TNIK: variants seen among roughly 807,000 people sequenced by gnomAD.
TNIK encodes the protein TRAF2 and NCK interacting kinase, also known as TRAF2 and NCK-interacting protein kinase.
A neutral mutation model predicts 191.3 loss-of-function variants in TNIK; 49 were observed. The ratio of observed to expected loss-of-function variants is 0.26; its 90% CI spans 0.20 to 0.32. TNIK has a LOEUF of 0.32. Ranked by LOEUF, TNIK falls within the 10% of genes least tolerant of loss-of-function variation. The pLI is 1.00. For synonymous variants in TNIK, 594 were observed against 600.9 expected, an observed-to-expected ratio of 0.99 and a Z score of 0.17; for missense variants, 1,155 against 1,702.3, an observed-to-expected ratio of 0.68 and a Z score of 5.66.
At chr3:171,232,811 A>G (rs1743820378) in intron 2 of TNIK, among the ~76,000 whole-genome samples, 1 of 152,206 alleles carries the variant, frequency 6.6e-6, no homozygotes, top group Non-Finnish European at 1.5e-5. Flanking sequence ...TATGTAAAAT[A>G]ATTCAACATC....
chr3:171,207,448 C>G (rs1334778854), intron 4 of TNIK, among the ~76,000 whole-genome samples: 1 of 152,050 alleles, frequency 6.6e-6, no homozygotes, highest in African/African-American at 2.4e-5. Context: ...ACCCTCCCAG[C>G]CTTGGTCTCC....
chr3:171,407,564 A>G (rs921250104), intron 1 of TNIK, among the ~76,000 whole-genome samples: 12 of 152,220 alleles, frequency 7.9e-5, no homozygotes, highest in African/African-American at 2.9e-4. Context: ...TGGCAGACAG[A>G]CAGGAGGGGC....
chr3:171,144,251 G>C (rs928388846), intron 12 of TNIK, among the ~76,000 whole-genome samples: 5 of 151,878 alleles, frequency 3.3e-5, no homozygotes, highest in Admixed American at 2.6e-4. Flanking sequence ...TTTTTTTTCC[G>C]GTGGGGAGAT....
In TNIK at chr3:171,239,032, G is replaced by A. The variant is rs1431053046; in HGVS notation, c.124-10811C>T. 2.0e-5 allele frequency among the ~76,000 whole-genome samples: 3 copies of A among 152,266 alleles called. No individual in the cohort carries two copies. The East Asian group carries it at 5.8e-4, about 29-fold the overall frequency. On this transcript the variant is annotated intron_variant, in intron 2 of 32. Coordinates refer to ENST00000436636, the MANE Select transcript of TNIK (RefSeq NM_015028.4). ...AAAAAACCTAATGAAGTATTATTAG[G>A]ACTAAATGGAATTTGGTTTATTATA...
At chr3:171,161,379 T>A in intron 10 of TNIK, 43 bp from the exon 11 acceptor site, 1 of 1,588,090 alleles carries the variant, frequency 6.3e-7, no homozygotes, top group Admixed American at 1.7e-5. Flanking sequence ...AAAGATGCTA[T>A]GGCTCAGTAA....
chr3:171,228,428 T>A (rs1743210759), intron 2 of TNIK, among the ~76,000 whole-genome samples: 2 of 152,164 alleles, frequency 1.3e-5, no homozygotes, highest in African/African-American at 4.8e-5. Flanking sequence ...TCACAGTGGG[T>A]GTCAAGTCAA....
At chr3:171,344,705 T>C (rs1253246622) in intron 2 of TNIK, among the ~76,000 whole-genome samples, 1 of 150,560 alleles carries the variant, frequency 6.6e-6, no homozygotes, top group East Asian at 1.9e-4. Flanking sequence ...TTAAATTACC[T>C]CTTTTTACAA....
rs1410284717 is a variant in TNIK at position 171,460,050 on chromosome 3, G to C, written c.14C>G (p.Ser5Cys). 1.9e-6 allele frequency: 3 copies of C among 1,608,088 alleles called. No homozygotes were observed. The highest frequency in any genetic ancestry group is 2.2e-5 in the East Asian group (1 of 44,744). The change falls in exon 1 of 33, where the codon TCC becomes TGC. Residue 5 changes from serine (S) to cysteine (C), a missense_variant. This residue lies in a region of TNIK where 225 missense variants were observed against 438.9 expected (regional missense o/e 0.51). Transcript: ENST00000436636. The surrounding 1 kb of genome is among the most constrained non-coding windows in gnomAD (Gnocchi z 6.8). Reference protein sequence around the residue: MASDSPARSLDEIDL... With the variant: MASDCPARSLDEIDL... ...TATTTCATCCAGGCTTCGAGCCGGG[G>C]AGTCGCTCGCCATGTCTACTTCTTC... is the stretch of plus-strand genomic sequence containing the variant.
chr3:171,090,898 A>G (rs765034259), intron 23 of TNIK, among the ~76,000 whole-genome samples: 1 of 152,196 alleles, frequency 6.6e-6, no homozygotes, highest in African/African-American at 2.4e-5. Context: ...CCACAAGATG[A>G]CAAGTTGGGT....
At chr3:171,096,967 A>C (rs1302461484) in intron 22 of TNIK, among the ~76,000 whole-genome samples, 1 of 152,238 alleles carries the variant, frequency 6.6e-6, no homozygotes, top group Non-Finnish European at 1.5e-5. Context: ...TATCTTGAGC[A>C]ATCAATGTTA....
chr3:171,146,616 G>A (rs1385613626), intron 12 of TNIK, among the ~76,000 whole-genome samples: 1 of 152,146 alleles, frequency 6.6e-6, no homozygotes, highest in African/African-American at 2.4e-5. Context: ...TGTGTTTGAT[G>A]GCCGGGCTCA....
intron 10 of TNIK, among the ~76,000 whole-genome samples, chr3:171,163,491 T>G (rs1734257227): frequency 6.6e-6 from 1 of 152,206 alleles, no homozygotes; most frequent in Admixed American, 6.5e-5. Flanking sequence ...AAAAGTTTGA[T>G]GAGTTCAAGT....
chr3:171,240,573 C>T (rs1466463992), intron 2 of TNIK, among the ~76,000 whole-genome samples: 2 of 152,156 alleles, frequency 1.3e-5, no homozygotes, highest in African/African-American at 2.4e-5. Flanking sequence ...GTCCCCGACT[C>T]GCCCACATTG....
At chr3:171,423,489 G>A (rs1293284492) in intron 1 of TNIK, among the ~76,000 whole-genome samples, 2 of 152,010 alleles carry the variant, frequency 1.3e-5, no homozygotes, top group Non-Finnish European at 2.9e-5. Flanking sequence ...CTACTTTAAA[G>A]TTCACATGGA....
intron 1 of TNIK, among the ~76,000 whole-genome samples, chr3:171,436,454 T>C (rs115603835): frequency 2.2e-4 from 33 of 152,366 alleles, no homozygotes; most frequent in African/African-American, 7.7e-4. Context: ...GCAATAGTCC[T>C]ATGTGTACTG....
chr3:171,407,970 G>A (rs2422298), intron 1 of TNIK, among the ~76,000 whole-genome samples: 93,542 of 151,974 alleles, frequency 0.62, 29,842 homozygotes, highest in African/African-American at 0.66. Context: ...ATCTATCTGA[G>A]GCACACATTC....
chr3:171,094,236 G>A (rs1156453199), intron 22 of TNIK, among the ~76,000 whole-genome samples: 4 of 151,636 alleles, frequency 2.6e-5, no homozygotes, highest in Admixed American at 6.6e-5. Context: ...CCAGGTTCAC[G>A]CCATTCTCCT....
rs73169765 is a variant in TNIK, at chr3:171,127,767, C to T, written c.1773+947G>A. 7.7e-3 allele frequency among the ~76,000 whole-genome samples: 1,173 copies of T among 152,238 alleles called. 5 individuals carry two copies. The highest frequency in any genetic ancestry group is 0.012 in the Non-Finnish European group (785 of 68,012). On this transcript the variant is annotated intron_variant, in intron 16 of 32. Transcript: ENST00000436636. ...GCTGAAAAATCTTGGACTTTATTTA[C>T]TAAAGGCAAACTGAAAACACAAAGA...
intron 1 of TNIK, among the ~76,000 whole-genome samples, chr3:171,389,963 C>G (rs1378908703): frequency 6.6e-6 from 1 of 152,192 alleles, no homozygotes; most frequent in Non-Finnish European, 1.5e-5. Flanking sequence ...CACACAACCC[C>G]AAGAGGCACC....
Sources: allele counts gnomAD v4.1 joint callset (sites outside exome capture counted in the v4.1 genomes callset), GRCh38; gene constraint gnomAD v4.1.1; regional missense constraint gnomAD v4.1.1; non-coding constraint Gnocchi (gnomAD v3.1); transcripts MANE v1.5; gene names NCBI Gene and HGNC (gene_info 2026-07-23, HGNC 2026-07-21).